Variants in SLC14A1 observed in about 807,000 individuals in gnomAD.
The protein encoded by SLC14A1 is urea transporter 1.
SLC14A1 carries 36 observed loss-of-function variants against 39.6 expected under a neutral mutation model. The ratio of observed to expected loss-of-function variants is 0.91; its 90% confidence interval spans 0.70 to 1.20. SLC14A1 has a LOEUF of 1.20. Ranked by LOEUF, SLC14A1 falls within the 50% of genes most tolerant of loss-of-function variation. The pLI, the probability that SLC14A1 is intolerant of heterozygous loss-of-function variation, is 0.00. For synonymous variants in SLC14A1, 164 were observed against 173.6 expected (o/e 0.94, Z 0.43); for missense variants, 469 against 478.7 (o/e 0.98, Z 0.19).
chr18:45,751,642 G>A lies in SLC14A1; in HGVS notation c.*1691G>A. On this transcript the variant is annotated 3_prime_UTR_variant, in exon 10 of 10. Transcript: ENST00000321925. ...AAATAAAAATAGTAACATTAGCCAG[G>A]TGTAGCAGCACACATCTGCAGCAGC... 1 of 498,418 alleles carries A rather than the reference G, an allele frequency of 2.0e-6. No individual in the cohort carries two copies. Among genetic ancestry groups the A allele is most frequent in the Non-Finnish European group, 2.6e-6 (1 of 385,656 alleles). 30.9% of individuals were successfully genotyped at this position (498,418 alleles called of 1,614,324 possible).
At chr18:45,741,653 A>C (rs1309733673) in intron 8 of SLC14A1, among the ~76,000 whole-genome samples, 1 of 152,228 alleles carries the variant, frequency 6.6e-6, no homozygotes, top group Non-Finnish European at 1.5e-5. Flanking sequence ...TATTTCACCT[A>C]GCTGTTCTGT....
chr18:45,736,649 G>A lies in SLC14A1; in HGVS notation c.663+1G>A. On this transcript the variant is annotated splice_donor_variant, in intron 6 of 9. Transcript: ENST00000321925. LOFTEE classifies it high-confidence loss of function. ...CTGGTCTGACCTCAGTGCCCTGGAG[G>A]TAAGAGACACTGGCTTCTCACATTC... 1 of 1,613,862 alleles carries A rather than the reference G, an allele frequency of 6.2e-7. No homozygotes were observed. Among genetic ancestry groups the A allele is most frequent in the Non-Finnish European group, 8.5e-7 (1 of 1,179,732 alleles).
rs113578396 is a variant in SLC14A1, at chr18:45,730,348, G to C, written c.28G>C (p.Val10Leu). 4.3e-6 allele frequency: 7 copies of C among 1,613,088 alleles called. No individual in the cohort carries two copies. The highest frequency in any genetic ancestry group is 3.4e-6 in the Non-Finnish European group (4 of 1,179,946). Reference sequence around the variant, plus strand: ...GGAGGACAGCCCCACTATGGTTAGAGTGGACAGCCCCACTATGGTTAGGGG... The same window carrying C: ...GGAGGACAGCCCCACTATGGTTAGACTGGACAGCCCCACTATGGTTAGGGG... Reference protein sequence around the residue: MEDSPTMVRVDSPTMVRGEN... With the variant: MEDSPTMVRLDSPTMVRGEN... Residue 10 changes from valine to leucine, a missense_variant, in exon 3 of 10, where the codon GTG (valine) becomes CTG (leucine). Transcript: ENST00000321925.
chr18:45,751,129 C>T lies in SLC14A1; in HGVS notation c.*1178C>T, dbSNP rs1053349925. The T allele has an allele frequency of 1.4e-6, 1 of 706,348 alleles. No homozygotes were observed. The highest frequency in any genetic ancestry group is 1.7e-6 in the Non-Finnish European group (1 of 575,384). The allele number at this position is 706,348 out of a possible 1,614,324, so 43.8% of individuals were successfully genotyped here. ...CCCAGGCGGGCAGATTGCTTGAACC[C>T]AGGAGTTCAAGACCAGCCTGGGCAG... On this transcript the variant is annotated 3_prime_UTR_variant, in exon 10 of 10. Coordinates refer to ENST00000321925, the MANE Select transcript of SLC14A1 (RefSeq NM_015865.7).
intron 6 of SLC14A1, 46 bp from the exon 7 acceptor site, chr18:45,739,117 G>A (rs201734201): frequency 1.2e-6 from 2 of 1,610,804 alleles, no homozygotes; most frequent in African/African-American, 1.3e-5. Context: ...GTGGGTTTCT[G>A]TTCAGTTGTT....
chr18:45,726,168 A>G (rs1461729854), intron 2 of SLC14A1, among the ~76,000 whole-genome samples: 7 of 152,232 alleles, frequency 4.6e-5, no homozygotes. Context: ...CTAGTTTACT[A>G]TAGGTAAATA....
At chr18:45,744,712 ACAT>A (rs760814530) in intron 8 of SLC14A1, among the ~76,000 whole-genome samples, 1 of 152,190 alleles carries the variant, frequency 6.6e-6, no homozygotes, top group Non-Finnish European at 1.5e-5. Flanking sequence ...AATTCTGGAA[ACAT>A]CATCAGTTTT....
chr18:45,725,716 C>T (rs1313654476), intron 2 of SLC14A1, among the ~76,000 whole-genome samples: 1 of 152,152 alleles, frequency 6.6e-6, no homozygotes, highest in African/African-American at 2.4e-5. Flanking sequence ...CCAGAGCTGA[C>T]CTATTCCATA....
In SLC14A1 at chr18:45,736,573, A is replaced by G. The variant is rs2298718; in HGVS notation, c.588A>G (p.Pro196=). The G allele has an allele frequency of 0.58, 942,016 of 1,613,580 alleles. 280,703 individuals carry two copies. The highest frequency in any genetic ancestry group is 0.93 in the East Asian group (41,875 of 44,872). The change falls in exon 6 of 10, where the codon CCA becomes CCG. Residue 196 remains proline, a synonymous_variant. Transcript: ENST00000321925. ...TTTCAGCCACAGGACATTACAATCC[A>G]TTCTTTCCAGCCAAACTGGTCATAC... ...MYLSATGHYN[P]FFPAKLVIPI...
intron 2 of SLC14A1, chr18:45,727,011 T>G: frequency 2.4e-6 from 1 of 413,556 alleles, no homozygotes; most frequent in Non-Finnish European, 4.5e-6. Context: ...CCGTTATTTT[T>G]TTTTTAAGCA....
chr18:45,734,786 C>G (rs2047138863), intron 5 of SLC14A1, among the ~76,000 whole-genome samples: 1 of 151,746 alleles, frequency 6.6e-6, no homozygotes, highest in Non-Finnish European at 1.5e-5. Context: ...GGAGGAGTAG[C>G]AGGAGGAGCA....
intron 8 of SLC14A1, chr18:45,739,973 C>A (rs2047314779): frequency 5.0e-6 from 2 of 402,126 alleles, no homozygotes; most frequent in South Asian, 2.1e-5. Context: ...CAGAGATACA[C>A]CAGCCCTTCC....
At chr18:45,735,873 CCA>C (rs368046503) in intron 5 of SLC14A1, among the ~76,000 whole-genome samples, 1 of 152,288 alleles carries the variant, frequency 6.6e-6, no homozygotes, top group African/African-American at 2.4e-5. Flanking sequence ...CAGCCCAGCC[CCA>C]CAGTTTATGG....
In SLC14A1 at chr18:45,750,296, CGAT is replaced by C; in HGVS notation, c.*350_*352del. The C allele has an allele frequency of 8.4e-7, 1 of 1,193,252 alleles. No individual in the cohort carries two copies. The highest frequency in any genetic ancestry group is 1.0e-6 in the Non-Finnish European group (1 of 954,054). The allele number at this position is 1,193,252 out of a possible 1,614,324, so 73.9% of individuals were successfully genotyped here. On this transcript the variant is annotated 3_prime_UTR_variant, in exon 10 of 10. Transcript: ENST00000321925. Reference sequence around the variant, plus strand: ...TGATATTCTTGGTGTTTAGCTGGCTCGATGATGTTAACAGTATTAAAAATTAAA... The same window carrying C: ...TGATATTCTTGGTGTTTAGCTGGCTCGATGTTAACAGTATTAAAAATTAAA...
At chr18:45,735,646 C>T (rs1458912395) in intron 5 of SLC14A1, among the ~76,000 whole-genome samples, 1 of 152,222 alleles carries the variant, frequency 6.6e-6, no homozygotes, top group African/African-American at 2.4e-5. Flanking sequence ...TTACTGTACC[C>T]ACGGGTGTGT....
At chr18:45,731,271 G>A in intron 4 of SLC14A1, 67 bp downstream of exon 4, 6 of 1,431,034 alleles carry the variant, frequency 4.2e-6, no homozygotes, top group African/African-American at 1.4e-5. Context: ...GTTACTGTGG[G>A]CAACAGTGAT....
At position 45,742,361 on chromosome 18, in the gene SLC14A1, T is replaced by TTG. The variant is rs1568044095; in HGVS notation, c.946+2700_946+2701insGT. ...TTGTTTTTTGTTTTTTGGTTTTTTT[T>TTG]TTTTTTTTTTTGACAGAGTCTTGCT... On this transcript the variant is annotated intron_variant, in intron 8 of 9. Transcript: ENST00000321925. Among the ~76,000 whole-genome samples the TTG allele has an allele frequency of 2.1e-5, 3 of 146,136 alleles. No individual in the cohort carries two copies. In the South Asian group the frequency reaches 6.6e-4, roughly 32 times the overall value.
rs377318084 is a variant in SLC14A1, at chr18:45,748,458, G to A, written c.996+33G>A. 362 of 1,608,592 alleles carry A rather than the reference G, an allele frequency of 2.3e-4. 1 individual carries two copies. In the Middle Eastern group the frequency reaches 3.5e-3, roughly 15 times the overall value. ...TGCTTTAGTCTCACTTTTCATTAGC[G>A]TAATTGACCAGCTTACAACTATATG... On this transcript the variant is annotated intron_variant, in intron 9 of 9. Coordinates refer to ENST00000321925, the MANE Select transcript of SLC14A1 (RefSeq NM_015865.7).
intron 8 of SLC14A1, among the ~76,000 whole-genome samples, chr18:45,740,166 T>C (rs1382553682): frequency 1.3e-5 from 2 of 152,240 alleles, no homozygotes; most frequent in African/African-American, 4.8e-5. Flanking sequence ...ACACTCCTTT[T>C]GCTTTCAACT....
Sources: gnomAD v4.1 joint callset for allele counts (sites outside exome capture counted in the v4.1 genomes callset) on GRCh38, gnomAD v4.1.1 for gene constraint, MANE v1.5 for transcripts, NCBI Gene and HGNC (gene_info 2026-07-23, HGNC 2026-07-21) for gene names.